MAGI1: variants seen among roughly 807,000 people sequenced by gnomAD.
MAGI1 encodes membrane-associated guanylate kinase, WW and PDZ domain-containing protein 1.
In MAGI1, 58 loss-of-function variants were observed where a neutral mutation model predicts 139.9. The ratio of observed to expected loss-of-function variants is 0.41; its 90% CI spans 0.34 to 0.52. The LOEUF (loss-of-function observed/expected upper bound fraction) is 0.52, where lower values mean the gene tolerates loss of function less well. MAGI1 is among the 20% of genes least tolerant of loss of function. The pLI is 0.12. For missense variants in MAGI1, 1,874 were observed against 1,901.6 expected, an observed-to-expected ratio of 0.99 and a Z score of 0.27; for synonymous variants, 812 against 737.9, an observed-to-expected ratio of 1.10 and a Z score of -1.63.
At chr3:65,385,452 C>T (rs1030311388) in intron 14 of MAGI1, among the ~76,000 whole-genome samples, 6 of 152,052 alleles carry the variant, frequency 3.9e-5, no homozygotes, top group Admixed American at 1.3e-4. Context: ...TGAAGGAAAG[C>T]GCAGGCCTGA....
Position 65,419,289 on chromosome 3 carries a change from A to ATGTG in MAGI1, c.2167+10227_2167+10230dup, listed in dbSNP as rs57720812. On this transcript the variant is annotated intron_variant, in intron 12 of 22. Transcript: ENST00000402939. The stretch of plus-strand genomic sequence containing the variant: ...CAAATTGTATTTCCCATTTTATGAA[A>ATGTG]TGTGTGTGTGTGTGTATGCATGTAT... Among the ~76,000 whole-genome samples, 53 of 150,860 alleles carry ATGTG rather than the reference A, an allele frequency of 3.5e-4. No homozygotes were observed. The Middle Eastern group carries it at 0.014, about 39-fold the overall frequency.
At chr3:65,425,327 T>C (rs68063699) in intron 12 of MAGI1, among the ~76,000 whole-genome samples, 8,131 of 152,120 alleles carry the variant, frequency 0.053, 291 homozygotes, top group South Asian at 0.12. Context: ...TTTTCAGAAG[T>C]CTAACTAAGC....
chr3:65,687,949 C>T (rs1029672427), intron 1 of MAGI1: 1 of 720,744 alleles, frequency 1.4e-6, no homozygotes, highest in Non-Finnish European at 2.6e-6. Flanking sequence ...GAAAATGGCT[C>T]TCAGTTCACA....
chr3:65,783,176 T>TA (rs2039076410), intron 1 of MAGI1, among the ~76,000 whole-genome samples: 1 of 151,766 alleles, frequency 6.6e-6, no homozygotes, highest in South Asian at 2.1e-4. Flanking sequence ...AAACAACTCT[T>TA]ACAATTCAAC....
intron 1 of MAGI1, among the ~76,000 whole-genome samples, chr3:65,667,941 A>C (rs554439471): frequency 6.6e-6 from 1 of 152,336 alleles, no homozygotes; most frequent in South Asian, 2.1e-4. Context: ...ATTTTCATCA[A>C]GTATAGCTAC....
chr3:65,599,670 A>T (rs1326545302), intron 2 of MAGI1, among the ~76,000 whole-genome samples: 1 of 152,208 alleles, frequency 6.6e-6, no homozygotes, highest in East Asian at 1.9e-4. Flanking sequence ...ACTAAATGTC[A>T]CCTATCACTA....
chr3:65,384,443 T>A lies in MAGI1; in HGVS notation c.2417-820A>T, dbSNP rs9813421. On this transcript the variant is annotated intron_variant, in intron 14 of 22. Transcript: ENST00000402939. ...ATGTCATAAGTAATGTAGAGATGAT[T>A]TAAAGTATATAGGAGGTGGGGTGCA... is the stretch of plus-strand genomic sequence containing the variant. 9.7e-3 allele frequency among the ~76,000 whole-genome samples: 1,480 copies of A among 152,274 alleles called. 22 individuals carry two copies. The highest frequency in any genetic ancestry group is 0.034 in the African/African-American group (1,409 of 41,552).
At chr3:65,787,141 T>C (rs1434103282) in intron 1 of MAGI1, among the ~76,000 whole-genome samples, 1 of 152,064 alleles carries the variant, frequency 6.6e-6, no homozygotes, top group East Asian at 1.9e-4. Context: ...GAAGCCACAT[T>C]CAGTTACAAA....
chr3:65,590,746 T>G (rs773120989), intron 2 of MAGI1, among the ~76,000 whole-genome samples: 12 of 152,130 alleles, frequency 7.9e-5, no homozygotes, highest in Non-Finnish European at 1.2e-4. Context: ...TAGGCAAACC[T>G]TCACAGGACA....
chr3:65,414,410 G>A (rs908246585), intron 12 of MAGI1, among the ~76,000 whole-genome samples: 8 of 152,146 alleles, frequency 5.3e-5, no homozygotes, highest in African/African-American at 1.4e-4. Flanking sequence ...ATATAACCCC[G>A]GCCTTGAATC....
At chr3:65,886,596 T>C (rs1188202908) in intron 1 of MAGI1, among the ~76,000 whole-genome samples, 1 of 152,170 alleles carries the variant, frequency 6.6e-6, no homozygotes, top group Non-Finnish European at 1.5e-5. Flanking sequence ...AAGCCGTGTC[T>C]GTGAAGAGAA....
At chr3:65,369,994 C>T (rs146188139) in intron 18 of MAGI1, among the ~76,000 whole-genome samples, 22 of 152,324 alleles carry the variant, frequency 1.4e-4, no homozygotes, top group African/African-American at 4.6e-4. Context: ...ATGTCCAACA[C>T]GCTTTCACAG....
At chr3:65,967,325 T>A (rs2064800726) in intron 1 of MAGI1, among the ~76,000 whole-genome samples, 1 of 152,188 alleles carries the variant, frequency 6.6e-6, no homozygotes. Flanking sequence ...TTAAAATTTT[T>A]CATAAGAAAA....
At chr3:65,534,379 T>C (rs1489016958) in intron 2 of MAGI1, among the ~76,000 whole-genome samples, 1 of 152,070 alleles carries the variant, frequency 6.6e-6, no homozygotes, top group African/African-American at 2.4e-5. Flanking sequence ...TAGTCCCAGA[T>C]ACTCAGGAGG....
chr3:65,579,055 C>G (rs2081305584), intron 2 of MAGI1, among the ~76,000 whole-genome samples: 1 of 152,040 alleles, frequency 6.6e-6, no homozygotes. Flanking sequence ...ATAGACTTGG[C>G]ACTGAGCCTC....
intron 13 of MAGI1, 63 bp downstream of exon 13, chr3:65,401,376 A>ACCCCCC: frequency 2.5e-6 from 1 of 406,700 alleles, no homozygotes; most frequent in Non-Finnish European, 4.4e-6. Context: ...GTACCCTCCC[A>ACCCCCC]CCTCCAGCCC....
At chr3:65,944,997 G>A (rs894446993) in intron 1 of MAGI1, among the ~76,000 whole-genome samples, 1 of 152,142 alleles carries the variant, frequency 6.6e-6, no homozygotes, top group Admixed American at 6.6e-5. Context: ...TAGAGGACGG[G>A]AACCAAATTC....
chr3:65,549,394 G>C (rs1172617938), intron 2 of MAGI1: 2 of 984,268 alleles, frequency 2.0e-6, no homozygotes, highest in East Asian at 2.3e-4. Context: ...CAAACCCAAG[G>C]ACAAAACCGT....
intron 1 of MAGI1, among the ~76,000 whole-genome samples, chr3:65,651,088 C>G (rs973911807): frequency 6.6e-6 from 1 of 152,104 alleles, no homozygotes; most frequent in Admixed American, 6.6e-5. Flanking sequence ...CTCTATAATT[C>G]TGCTAATTTA....
Sources: allele counts gnomAD v4.1 joint callset (sites outside exome capture counted in the v4.1 genomes callset), GRCh38; gene constraint gnomAD v4.1.1; transcripts MANE v1.5; gene names NCBI Gene and HGNC (gene_info 2026-07-23, HGNC 2026-07-21).